Variants in FBXO3 observed in about 807,000 individuals in gnomAD.
FBXO3 encodes the protein F-box only protein 3.
Under a neutral mutation model 64.8 loss-of-function variants are expected in FBXO3, and 17 were observed. The ratio of observed to expected loss-of-function variants is 0.26; its 90% confidence interval spans 0.18 to 0.39. The LOEUF is 0.39. Ranked by LOEUF, FBXO3 falls within the 10% of genes least tolerant of loss-of-function variation. The pLI, the probability that FBXO3 is intolerant of heterozygous loss-of-function variation, is 1.00. For missense variants in FBXO3, 420 were observed against 589.9 expected (o/e 0.71, Z 2.98); for synonymous variants, 182 against 201.6 (o/e 0.90, Z 0.82).
At chr11:33,772,428 A>G (rs1211506058) in intron 1 of FBXO3, 1 of 152,190 alleles carries the variant, frequency 6.6e-6, no homozygotes, top group Non-Finnish European at 1.5e-5. Flanking sequence ...TTGGTTCCCA[A>G]GGTCCTGCAT....
intron 5 of FBXO3, among the ~76,000 whole-genome samples, chr11:33,755,069 G>A (rs987496924): frequency 2.0e-5 from 3 of 151,518 alleles, no homozygotes; most frequent in African/African-American, 4.9e-5. Flanking sequence ...GTGGGGTTTC[G>A]CCATGATGGC....
At chr11:33,753,525 A>AC (rs1855015377) in intron 6 of FBXO3, 1 of 151,856 alleles carries the variant, frequency 6.6e-6, no homozygotes, top group Non-Finnish European at 1.5e-5. Flanking sequence ...CACAGGAAAA[A>AC]CCTCCAGAGA....
rs1348185644 is a variant in FBXO3 at position 33,750,560 on chromosome 11, T to C, written c.911A>G (p.Tyr304Cys). 6.2e-7 allele frequency: 1 copy of C among 1,613,788 alleles called. No individual in the cohort carries two copies. Residue 304 changes from tyrosine (Y) to cysteine (C), a missense_variant, in exon 8 of 11, where the codon TAT (tyrosine) becomes TGT (cysteine). Transcript: ENST00000265651. ...PELSSVHPPH[Y>C]FFTYRIRIEM... Reference sequence around the variant, plus strand: ...TCACCTGATTCGGTATGTGAAGAAATAGTGGGGTGGATGTACAGAGCTAAG... The same window carrying C: ...TCACCTGATTCGGTATGTGAAGAAACAGTGGGGTGGATGTACAGAGCTAAG...
At chr11:33,761,283 ATAGAC>A (rs1298401268) in intron 3 of FBXO3, among the ~76,000 whole-genome samples, 1 of 152,136 alleles carries the variant, frequency 6.6e-6, no homozygotes, top group Admixed American at 6.5e-5. Context: ...TTAAATATGA[ATAGAC>A]TAAATAATCT....
chr11:33,758,869 A>G (rs895403434), intron 3 of FBXO3, among the ~76,000 whole-genome samples: 2 of 152,186 alleles, frequency 1.3e-5, no homozygotes, highest in Admixed American at 1.3e-4. Flanking sequence ...TTTTCACATT[A>G]TAACACAAAC....
At chr11:33,759,244 AG>A (rs34258278) in intron 3 of FBXO3, among the ~76,000 whole-genome samples, 2 of 152,172 alleles carry the variant, frequency 1.3e-5, no homozygotes, top group African/African-American at 2.4e-5. Context: ...GGTAGGGGAG[AG>A]GGGTCCAGGA....
chr11:33,745,460 A>G (rs1328509120), intron 10 of FBXO3: 1 of 152,182 alleles, frequency 6.6e-6, no homozygotes, highest in Non-Finnish European at 1.5e-5. Flanking sequence ...TGGGCCATAA[A>G]ACATTTAGGA....
rs1854728278 is a variant in FBXO3, at chr11:33,743,124, A to C, written c.1240-1040T>G. Reference sequence around the variant, plus strand: ...TACATGGTGGCTCAGGGTGTCAAAGACACATGTCCCAGGAGAGAAAGACAG... The same window carrying C: ...TACATGGTGGCTCAGGGTGTCAAAGCCACATGTCCCAGGAGAGAAAGACAG... On this transcript the variant is annotated intron_variant, in intron 10 of 10. Transcript: ENST00000265651. This position sits in a 1 kb window ranked among gnomAD's most constrained non-coding sequence, Gnocchi z 4.6. The C allele has an allele frequency of 6.6e-6, 1 of 152,198 alleles. No homozygotes were observed. The highest frequency in any genetic ancestry group is 2.4e-5 in the African/African-American group (1 of 41,426). The allele number at this position is 152,198 out of a possible 1,614,324, so 9.4% of individuals were successfully genotyped here.
At chr11:33,764,133 T>A (rs1265044210) in intron 3 of FBXO3, among the ~76,000 whole-genome samples, 1 of 152,150 alleles carries the variant, frequency 6.6e-6, no homozygotes, top group African/African-American at 2.4e-5. Flanking sequence ...AAATATCCAT[T>A]AACAGTAGAA....
intron 8 of FBXO3, among the ~76,000 whole-genome samples, chr11:33,749,289 A>C (rs1235622812): frequency 6.6e-6 from 1 of 152,024 alleles, no homozygotes; most frequent in East Asian, 1.9e-4. Flanking sequence ...GAGACTATAC[A>C]ACCCATTTCC....
At chr11:33,756,014 G>A in intron 4 of FBXO3, 39 bp from the exon 5 acceptor site, 1 of 1,526,840 alleles carries the variant, frequency 6.5e-7, no homozygotes, top group African/African-American at 1.4e-5. Context: ...ATACACGGCA[G>A]TGCCAAAGAG....
chr11:33,761,124 A>T (rs972983852), intron 3 of FBXO3, among the ~76,000 whole-genome samples: 77 of 152,270 alleles, frequency 5.1e-4, no homozygotes, highest in African/African-American at 1.8e-3. Context: ...CAATGTTTTA[A>T]TCTCTAATAT....
In FBXO3 at chr11:33,741,666, A is replaced by G. The variant is rs1185537054; in HGVS notation, c.*242T>C. ...ATGTCCATTCCTTAGCTAGAGAACT[A>G]TTCTTCCACTGACTCCTGGAAGAGA... is the stretch of plus-strand genomic sequence containing the variant. On this transcript the variant is annotated 3_prime_UTR_variant, in exon 11 of 11. Transcript: ENST00000265651. 5.9e-6 allele frequency: 2 copies of G among 336,508 alleles called. No homozygotes were observed. Among genetic ancestry groups the G allele is most frequent in the Middle Eastern group, 7.9e-4 (1 of 1,268 alleles). The allele number at this position is 336,508 out of a possible 1,614,324, so 20.8% of individuals were successfully genotyped here.
chr11:33,769,363 G>C (rs951426628), intron 2 of FBXO3, among the ~76,000 whole-genome samples: 1 of 151,968 alleles, frequency 6.6e-6, no homozygotes, highest in East Asian at 1.9e-4. Flanking sequence ...TATTGTTTTA[G>C]AGAATACTTA....
intron 7 of FBXO3, 54 bp downstream of exon 7, chr11:33,751,469 C>A: frequency 8.4e-7 from 1 of 1,193,768 alleles, no homozygotes; most frequent in Non-Finnish European, 1.2e-6. Flanking sequence ...TGTGACTTAT[C>A]ATTTTTCTCT....
intron 1 of FBXO3, 39 bp from the exon 2 acceptor site, chr11:33,770,869 T>A (rs755425184): frequency 6.9e-7 from 1 of 1,446,102 alleles, no homozygotes; most frequent in South Asian, 1.3e-5. Context: ...TTTAAAAAAG[T>A]AAGAAAACAA....
In FBXO3 at chr11:33,748,844, G is replaced by A; in HGVS notation, c.981C>T (p.Asp327=). The A allele has an allele frequency of 6.2e-7, 1 of 1,613,856 alleles. No homozygotes were observed. The highest frequency in any genetic ancestry group is 8.5e-7 in the Non-Finnish European group (1 of 1,179,846). ...CATTTGTTATTCTCCAATAGCGACT[G>A]TCCAACTGACAGGCCTTCTCAGGAA... ...DALPEKACQL[D]SRYWRITNAK... is the part of the protein sequence containing the mutation. The change falls in exon 9 of 11, where the codon GAC becomes GAT. Residue 327 remains aspartate (D), a synonymous_variant. Transcript: ENST00000265651.
chr11:33,747,040 C>T (rs1854829668), intron 10 of FBXO3, 90 bp downstream of exon 10: 2 of 1,550,464 alleles, frequency 1.3e-6, no homozygotes, highest in Non-Finnish European at 1.7e-6. Flanking sequence ...CTCTGGAACA[C>T]TATTTATAAA....
chr11:33,768,775 A>T (rs555339470), intron 3 of FBXO3, 76 bp downstream of exon 3: 2 of 1,538,724 alleles, frequency 1.3e-6, no homozygotes, highest in Admixed American at 3.3e-5. Flanking sequence ...GATGACAGAG[A>T]TTCAAAGTTG....
Sources: allele counts gnomAD v4.1 joint callset (sites outside exome capture counted in the v4.1 genomes callset), GRCh38; gene constraint gnomAD v4.1.1; non-coding constraint Gnocchi (gnomAD v3.1); transcripts MANE v1.5; gene names NCBI Gene and HGNC (gene_info 2026-07-23, HGNC 2026-07-21).